Variants in CSMD1 observed in about 807,000 individuals in gnomAD.
CSMD1 encodes CUB and Sushi multiple domains 1.
A neutral mutation model predicts 417.5 loss-of-function variants in CSMD1; 213 were observed. That is an observed-to-expected ratio of 0.51 (90% CI 0.46 to 0.57). The LOEUF (loss-of-function observed/expected upper bound fraction) is 0.57. Ranked by LOEUF, CSMD1 falls within the 20% of genes least tolerant of loss-of-function variation. The probability of loss-of-function intolerance (pLI) is 0.00; values close to 1 mark genes in which losing one functional copy is unlikely to be tolerated. For synonymous variants in CSMD1, 2,862 were observed against 1,736.8 expected, an observed-to-expected ratio of 1.65 and a Z score of -16.11; for missense variants, 6,923 against 4,529.7, an observed-to-expected ratio of 1.53 and a Z score of -15.17.
At chr8:3,728,142 G>A (rs1057290704) in intron 6 of CSMD1, among the ~76,000 whole-genome samples, 4 of 152,256 alleles carry the variant, frequency 2.6e-5, no homozygotes, top group Middle Eastern at 3.4e-3. Flanking sequence ...GGACCCAGTG[G>A]GAGATAAATG....
chr8:3,467,674 T>G (rs1033797017), intron 12 of CSMD1, among the ~76,000 whole-genome samples: 2 of 152,148 alleles, frequency 1.3e-5, no homozygotes, highest in African/African-American at 4.8e-5. Flanking sequence ...AAGAGACCCT[T>G]TAATATTGTG....
intron 7 of CSMD1, among the ~76,000 whole-genome samples, chr8:3,649,412 A>G (rs1427784891): frequency 1.3e-5 from 2 of 152,228 alleles, no homozygotes; most frequent in Non-Finnish European, 2.9e-5. Flanking sequence ...ACACTGCTAT[A>G]AATAACTGCC....
chr8:4,454,742 G>A (rs1239977715), intron 2 of CSMD1, among the ~76,000 whole-genome samples: 4 of 152,122 alleles, frequency 2.6e-5, no homozygotes, highest in Non-Finnish European at 5.9e-5. Flanking sequence ...AACTATACTC[G>A]TTTAGAAAGG....
At chr8:4,905,549 G>C (rs1029134913) in intron 1 of CSMD1, among the ~76,000 whole-genome samples, 9 of 152,110 alleles carry the variant, frequency 5.9e-5, no homozygotes, top group Admixed American at 2.6e-4. Context: ...GTCAGACACA[G>C]TGGCTCACAT....
At chr8:4,280,438 G>A (rs754633848) in intron 3 of CSMD1, among the ~76,000 whole-genome samples, 6 of 152,100 alleles carry the variant, frequency 3.9e-5, no homozygotes, top group Non-Finnish European at 8.8e-5. Context: ...ATGTGCGACC[G>A]GATACCAATC....
intron 3 of CSMD1, among the ~76,000 whole-genome samples, chr8:4,187,773 C>G (rs1292296633): frequency 6.6e-6 from 1 of 151,392 alleles, no homozygotes; most frequent in Non-Finnish European, 1.5e-5. Flanking sequence ...TTCACTCTCA[C>G]CATATAGTAA....
At chr8:4,503,552 C>A (rs1802368031) in intron 2 of CSMD1, among the ~76,000 whole-genome samples, 1 of 152,070 alleles carries the variant, frequency 6.6e-6, no homozygotes, top group African/African-American at 2.4e-5. Context: ...ATGATTTTGT[C>A]AAATGGATTG....
intron 1 of CSMD1, among the ~76,000 whole-genome samples, chr8:4,928,809 C>T (rs947353950): frequency 2.0e-4 from 30 of 152,220 alleles, no homozygotes; most frequent in Admixed American, 1.8e-3. Context: ...CTGGCTCACT[C>T]CTGTAATCAC....
chr8:3,716,886 T>A (rs1265656763), intron 6 of CSMD1, among the ~76,000 whole-genome samples: 4 of 152,192 alleles, frequency 2.6e-5, no homozygotes, highest in Non-Finnish European at 5.9e-5. Flanking sequence ...TTAAAAAATA[T>A]TTTGTACATG....
chr8:3,096,925 T>C lies in CSMD1; in HGVS notation c.7062A>G (p.Glu2354=), dbSNP rs1459939495. The change falls in exon 47 of 70, where the codon GAA becomes GAG. Residue 2354 remains glutamate (E), a synonymous_variant. Transcript: ENST00000635120. Reference sequence around the variant, plus strand: ...CAAAGATGGTAATGTTGTAGTTTGGTTCCACTTTAATACTCCAAGAGCAAG... The same window carrying C: ...CAAAGATGGTAATGTTGTAGTTTGGCTCCACTTTAATACTCCAAGAGCAAG... The part of the protein sequence containing the change: ...SQTCSWSIKV[E]PNYNITIFVD... 1.9e-6 allele frequency: 3 copies of C among 1,556,696 alleles called. No homozygotes were observed. The highest frequency in any genetic ancestry group is 1.2e-5 in the South Asian group (1 of 84,480).
chr8:3,718,938 C>T (rs1197973915), intron 6 of CSMD1, among the ~76,000 whole-genome samples: 2 of 152,156 alleles, frequency 1.3e-5, no homozygotes, highest in East Asian at 1.9e-4. Flanking sequence ...TCCCTCCAAA[C>T]AGAGGGAGAA....
intron 12 of CSMD1, among the ~76,000 whole-genome samples, chr8:3,428,930 C>G (rs1814029238): frequency 6.6e-6 from 1 of 152,142 alleles, no homozygotes; most frequent in Non-Finnish European, 1.5e-5. Context: ...GTAAAGTGAG[C>G]CAGTGACAGA....
At chr8:3,461,136 G>A (rs748137460) in intron 12 of CSMD1, among the ~76,000 whole-genome samples, 7 of 152,140 alleles carry the variant, frequency 4.6e-5, no homozygotes, top group South Asian at 2.1e-4. Flanking sequence ...ATCGCTCTGC[G>A]GAACTGAGGC....
chr8:3,461,518 T>A (rs1487901482), intron 12 of CSMD1, among the ~76,000 whole-genome samples: 2 of 152,100 alleles, frequency 1.3e-5, no homozygotes, highest in East Asian at 3.9e-4. Flanking sequence ...AGATCTCTGC[T>A]CCCCGATCTC....
In CSMD1 at chr8:3,567,093, C is replaced by T. The variant is rs542094851; in HGVS notation, c.1344+7852G>A. ...TGTATACCATGGAATACTATGCAGC[C>T]ATATAAAAAGAATGAGATTTTGTCC... On this transcript the variant is annotated intron_variant, in intron 10 of 69. Transcript: ENST00000635120. Among the ~76,000 whole-genome samples, 806 of 152,230 alleles carry T rather than the reference C, an allele frequency of 5.3e-3. 4 individuals carry two copies. Among genetic ancestry groups the T allele is most frequent in the Non-Finnish European group, 9.6e-3 (655 of 68,010 alleles).
intron 3 of CSMD1, among the ~76,000 whole-genome samples, chr8:4,143,926 G>C (rs938930842): frequency 1.3e-5 from 2 of 151,184 alleles, no homozygotes; most frequent in African/African-American, 4.9e-5. Context: ...GAATTGGCCC[G>C]TGTTGCAGAT....
intron 26 of CSMD1, among the ~76,000 whole-genome samples, chr8:3,279,507 C>T (rs921649069): frequency 4.6e-5 from 7 of 152,066 alleles, no homozygotes; most frequent in Non-Finnish European, 8.8e-5. Flanking sequence ...TTTTAAAATG[C>T]CACATGGTAC....
In CSMD1 at chr8:4,248,741, A is replaced by C. The variant is rs142704566; in HGVS notation, c.415+171212T>G. Among the ~76,000 whole-genome samples, 566 of 152,266 alleles carry C rather than the reference A, an allele frequency of 3.7e-3. 5 individuals are homozygous for C. Among genetic ancestry groups the C allele is most frequent in the African/African-American group, 0.013 (543 of 41,548 alleles). On this transcript the variant is annotated intron_variant, in intron 3 of 69. Transcript: ENST00000635120. The stretch of plus-strand genomic sequence containing the variant: ...TTTTGGGTGATCTCTATCAACTGAC[A>C]TTACATTACACTTATTAAGCGCATG...
intron 5 of CSMD1, among the ~76,000 whole-genome samples, chr8:3,778,425 T>C (rs1785522610): frequency 6.6e-6 from 1 of 152,184 alleles, no homozygotes; most frequent in African/African-American, 2.4e-5. Flanking sequence ...ACTTAAATGA[T>C]CTCTTTCCAC....
Sources: gnomAD v4.1 joint callset for allele counts (sites outside exome capture counted in the v4.1 genomes callset) on GRCh38, gnomAD v4.1.1 for gene constraint, MANE v1.5 for transcripts, NCBI Gene and HGNC (gene_info 2026-07-23, HGNC 2026-07-21) for gene names.